FPGT: variants seen among roughly 807,000 people sequenced by gnomAD.
FPGT encodes the protein fucose-1-phosphate guanylyltransferase.
FPGT carries 41 observed loss-of-function variants against 45.8 expected under a neutral mutation model. The ratio of observed to expected loss-of-function variants is 0.90; its 90% confidence interval spans 0.70 to 1.16. The LOEUF is 1.16. FPGT is among the 50% of genes most tolerant of loss of function. The pLI is 0.00. For missense variants in FPGT, 755 were observed against 689.1 expected, an observed-to-expected ratio of 1.10 and a Z score of -1.07; for synonymous variants, 292 against 247.2, an observed-to-expected ratio of 1.18 and a Z score of -1.70.
In FPGT at chr1:74,207,754, C is replaced by T. The variant is rs1207660471; in HGVS notation, c.*1922C>T. ...TGTGGTATTTGTGTGTTTGTTTTTTCTTTTTCAAGATTCTTTTTAAAGAAA... is the reference window on the plus strand; with the variant it reads ...TGTGGTATTTGTGTGTTTGTTTTTTTTTTTTCAAGATTCTTTTTAAAGAAA... On this transcript the variant is annotated 3_prime_UTR_variant, in exon 4 of 4. Transcript: ENST00000370898. 6.6e-6 allele frequency among the ~76,000 whole-genome samples: 1 copy of T among 151,844 alleles called. No homozygotes were observed. Among genetic ancestry groups the T allele is most frequent in the Non-Finnish European group, 1.5e-5 (1 of 67,868 alleles).
intron 2 of FPGT, among the ~76,000 whole-genome samples, chr1:74,200,392 A>G (rs1242418612): frequency 6.6e-6 from 1 of 152,222 alleles, no homozygotes. Context: ...CCCTGATACC[A>G]GAGATAAGAT....
intron 1 of FPGT, among the ~76,000 whole-genome samples, 199 bp from the exon 2 acceptor site, chr1:74,199,465 T>C (rs1157002892): frequency 6.6e-6 from 1 of 152,194 alleles, no homozygotes; most frequent in African/African-American, 2.4e-5. Context: ...AAAAGGAACT[T>C]GTGAACAGTC....
In FPGT at chr1:74,206,218, A is replaced by T. The variant is rs988971326; in HGVS notation, c.*386A>T. On this transcript the variant is annotated 3_prime_UTR_variant, in exon 4 of 4. Coordinates refer to ENST00000370898, the MANE Select transcript of FPGT (RefSeq NM_003838.5). The stretch of plus-strand genomic sequence containing the variant: ...CACTTCTCTCCTCAACTGTAATTCT[A>T]TTTTTAATAATAAAAATGGCATACT... 2 of 160,080 alleles carry T rather than the reference A, an allele frequency of 1.2e-5. No individual in the cohort carries two copies. Among genetic ancestry groups the T allele is most frequent in the Non-Finnish European group, 2.7e-5 (2 of 73,756 alleles). The allele number at this position is 160,080 out of a possible 1,614,324, so 9.9% of individuals were successfully genotyped here.
Position 74,206,148 on chromosome 1 carries a change from C to G in FPGT, c.*316C>G, listed in dbSNP as rs1652264786. ...AAGCATACCTTTGGAATTTTTCCAT[C>G]TTTTTTGAGGCTTTTGGTCCAGTGA... is the stretch of plus-strand genomic sequence containing the variant. On this transcript the variant is annotated 3_prime_UTR_variant, in exon 4 of 4. Coordinates refer to ENST00000370898, the MANE Select transcript of FPGT (RefSeq NM_003838.5). The G allele has an allele frequency of 5.2e-6, 1 of 191,630 alleles. No individual in the cohort carries two copies. Among genetic ancestry groups the G allele is most frequent in the Admixed American group, 5.9e-5 (1 of 16,918 alleles). 11.9% of individuals were successfully genotyped at this position (191,630 alleles called of 1,614,324 possible).
At chr1:74,201,296 C>G in intron 2 of FPGT, 22 bp from the exon 3 acceptor site, 1 of 1,595,676 alleles carries the variant, frequency 6.3e-7, no homozygotes, top group Non-Finnish European at 8.6e-7. Flanking sequence ...ATAAATTGTG[C>G]TTTTTTAACT....
chr1:74,204,972 G>A lies in FPGT; in HGVS notation c.925G>A (p.Gly309Arg), dbSNP rs1293750729. ...DAYGDFLQAL[G>R]PGATVEYTRN... ...CTATGGTGACTTTCTGCAGGCTTTG[G>A]GACCTGGAGCAACTGTGGAGTACAC... Residue 309 changes from glycine to arginine, a missense_variant, in exon 4 of 4, where the codon GGA becomes AGA. Gly to Arg is a moderately radical substitution (Grantham distance 125, BLOSUM62 -2). Coordinates refer to ENST00000370898, the MANE Select transcript of FPGT (RefSeq NM_003838.5). The A allele has an allele frequency of 8.1e-6, 13 of 1,613,934 alleles. No individual in the cohort carries two copies. Among genetic ancestry groups the A allele is most frequent in the African/African-American group, 5.3e-5 (4 of 74,910 alleles).
At position 74,208,185 on chromosome 1, in the gene FPGT, G is replaced by A. The variant is rs1021530488; in HGVS notation, c.*2353G>A. Among the ~76,000 whole-genome samples, 18 of 151,308 alleles carry A rather than the reference G, an allele frequency of 1.2e-4. No homozygotes were observed. The highest frequency in any genetic ancestry group is 8.8e-5 in the Non-Finnish European group (6 of 67,872). On this transcript the variant is annotated 3_prime_UTR_variant, in exon 4 of 4. Coordinates refer to ENST00000370898, the MANE Select transcript of FPGT (RefSeq NM_003838.5). The stretch of plus-strand genomic sequence containing the variant: ...AATGTGGATAAAAAAAGATGAATTA[G>A]GAATGATTCTAACCTAAGTATGTGT...
At chr1:74,201,435 C>T (rs368019540) in intron 3 of FPGT, 25 bp downstream of exon 3, 3 of 1,498,050 alleles carry the variant, frequency 2.0e-6, no homozygotes, top group African/African-American at 2.8e-5. Flanking sequence ...TACTAATTTA[C>T]ATTTTCTTTT....
At position 74,207,716 on chromosome 1, in the gene FPGT, T is replaced by G. The variant is rs1652396020; in HGVS notation, c.*1884T>G. On this transcript the variant is annotated 3_prime_UTR_variant, in exon 4 of 4. Coordinates refer to ENST00000370898, the MANE Select transcript of FPGT (RefSeq NM_003838.5). ...TTTGGTAAACCAGAAGTGACCTGTCTGAAGCCCTCAATTGTGGTATTTGTG... is the reference window on the plus strand; with the variant it reads ...TTTGGTAAACCAGAAGTGACCTGTCGGAAGCCCTCAATTGTGGTATTTGTG... 6.6e-6 allele frequency among the ~76,000 whole-genome samples: 1 copy of G among 152,068 alleles called. No individual in the cohort carries two copies. The highest frequency in any genetic ancestry group is 6.6e-5 in the Admixed American group (1 of 15,256).
chr1:74,201,323 G>A lies in FPGT; in HGVS notation c.256G>A (p.Gly86Arg), dbSNP rs747857407. 1 of 1,607,654 alleles carries A rather than the reference G, an allele frequency of 6.2e-7. No individual in the cohort carries two copies. The highest frequency in any genetic ancestry group is 8.5e-7 in the Non-Finnish European group (1 of 1,178,126). The change falls in exon 3 of 4, where the codon GGA becomes AGA. Residue 86 changes from glycine (G) to arginine (R), a missense_variant. Coordinates refer to ENST00000370898, the MANE Select transcript of FPGT (RefSeq NM_003838.5). ...VDPAGAKIGN[G>R]GSTLCALQCL... ...TTTTTAACTTTGTTTTTAAGGAAAT[G>A]GAGGATCAACACTTTGTGCCCTTCA... is the stretch of plus-strand genomic sequence containing the variant.
chr1:74,201,069 G>T (rs962258899), intron 2 of FPGT, among the ~76,000 whole-genome samples: 1 of 152,006 alleles, frequency 6.6e-6, no homozygotes, highest in African/African-American at 2.4e-5. Flanking sequence ...TTACTATTTT[G>T]GGGAGAATAT....
In FPGT at chr1:74,199,722, A is replaced by G. The variant is rs200281954; in HGVS notation, c.141A>G (p.Glu47=). 3.7e-6 allele frequency: 6 copies of G among 1,614,164 alleles called. No homozygotes were observed. In the East Asian group the frequency reaches 1.3e-4, roughly 36 times the overall value. Residue 47 remains glutamate, a synonymous_variant, in exon 2 of 4, where the codon GAA becomes GAG. Coordinates refer to ENST00000370898, the MANE Select transcript of FPGT (RefSeq NM_003838.5). ...TAGTTGCAATAACAGCGGCTGATGA[A>G]AAACAGGAACTTGCTTACAACCAAC... ...WDIVAITAAD[E]KQELAYNQQL...
Position 74,205,651 on chromosome 1 carries a change from G to A in FPGT, c.1604G>A (p.Ser535Asn), listed in dbSNP as rs377299844. The stretch of plus-strand genomic sequence containing the variant: ...ATTTTCCCAGTTTGTTCTTCTTTGA[G>A]TGACTCAGTTATAACATCCCTAAAG... ...ARIFPVCSSL[S>N]DSVITSLKML... Residue 535 changes from serine to asparagine, a missense_variant, in exon 4 of 4, where the codon AGT becomes AAT. By Grantham distance (46) the Ser-to-Asn change is conservative (BLOSUM62 1). Coordinates refer to ENST00000370898, the MANE Select transcript of FPGT (RefSeq NM_003838.5). 1.6e-5 allele frequency: 25 copies of A among 1,611,638 alleles called. No individual in the cohort carries two copies. In the Admixed American group the frequency reaches 2.5e-4, roughly 16 times the overall value.
In FPGT at chr1:74,205,838, T is replaced by A. The variant is rs777967231; in HGVS notation, c.*6T>A. On this transcript the variant is annotated 3_prime_UTR_variant, in exon 4 of 4. Transcript: ENST00000370898. ...TAAAAAGCAGTTTGATGTAGAGATA[T>A]TTTAAATATTGTACACTTTGCCTTT... 2 of 1,462,038 alleles carry A rather than the reference T, an allele frequency of 1.4e-6. No homozygotes were observed. Among genetic ancestry groups the A allele is most frequent in the African/African-American group, 2.8e-5 (2 of 71,948 alleles). 90.6% of individuals were successfully genotyped at this position (1,462,038 alleles called of 1,614,324 possible).
In FPGT at chr1:74,205,712, C is replaced by T; in HGVS notation, c.1665C>T (p.Ser555=). 1 of 1,609,478 alleles carries T rather than the reference C, an allele frequency of 6.2e-7. No individual in the cohort carries two copies. Among genetic ancestry groups the T allele is most frequent in the Non-Finnish European group, 8.5e-7 (1 of 1,175,894 alleles). ...LNAVKNKSAF[S]LNSYKLLSIE... is the part of the protein sequence containing the mutation. ...CTGTTAAGAACAAGTCAGCATTCAG[C>T]CTGAATAGCTATAAGTTGCTGTCCA... The change falls in exon 4 of 4, where the codon AGC becomes AGT. Residue 555 remains serine, a synonymous_variant. Coordinates refer to ENST00000370898, the MANE Select transcript of FPGT (RefSeq NM_003838.5).
chr1:74,199,141 A>G (rs914284034), intron 1 of FPGT, among the ~76,000 whole-genome samples: 1 of 152,302 alleles, frequency 6.6e-6, no homozygotes, highest in African/African-American at 2.4e-5. Context: ...CTAACAGCCT[A>G]TGTAAGTTTG....
intron 1 of FPGT, among the ~76,000 whole-genome samples, chr1:74,199,340 A>G (rs1651544885): frequency 6.6e-6 from 1 of 152,222 alleles, no homozygotes; most frequent in Non-Finnish European, 1.5e-5. Context: ...GAATTGAGGC[A>G]ATAGTCTTTG....
rs1295133655 is a variant in FPGT, at chr1:74,207,338, T to C, written c.*1506T>C. On this transcript the variant is annotated 3_prime_UTR_variant, in exon 4 of 4. Transcript: ENST00000370898. The stretch of plus-strand genomic sequence containing the variant: ...CATATAAAATAACAAAAAAATAAAA[T>C]ATTGAGATATCATCAAGAAATTTCT... 6.6e-6 allele frequency: 1 copy of C among 152,214 alleles called. No individual in the cohort carries two copies. Among genetic ancestry groups the C allele is most frequent in the East Asian group, 1.9e-4 (1 of 5,176 alleles). 9.4% of individuals were successfully genotyped at this position (152,214 alleles called of 1,614,324 possible).
In FPGT at chr1:74,205,322, G is replaced by C. The variant is rs1557673331; in HGVS notation, c.1275G>C (p.Gly425=). The change falls in exon 4 of 4, where the codon GGG becomes GGC. Residue 425 remains glycine (G), a synonymous_variant. Coordinates refer to ENST00000370898, the MANE Select transcript of FPGT (RefSeq NM_003838.5). Reference sequence around the variant, plus strand: ...CAGTTGTGGAGTATTCCAGATTGGGGCCTGATGTTTCAGTTGGGGAAAACT... The same window carrying C: ...CAGTTGTGGAGTATTCCAGATTGGGCCCTGATGTTTCAGTTGGGGAAAACT... ...PGSVVEYSRL[G]PDVSVGENCI... is the part of the protein sequence containing the mutation. 2 of 1,614,084 alleles carry C rather than the reference G, an allele frequency of 1.2e-6. No individual in the cohort carries two copies. Among genetic ancestry groups the C allele is most frequent in the Non-Finnish European group, 1.7e-6 (2 of 1,179,978 alleles).
Sources: gnomAD v4.1 joint callset for allele counts (sites outside exome capture counted in the v4.1 genomes callset) on GRCh38, gnomAD v4.1.1 for gene constraint, MANE v1.5 for transcripts, NCBI Gene and HGNC (gene_info 2026-07-23, HGNC 2026-07-21) for gene names.